EMC1: variants seen among roughly 807,000 people sequenced by gnomAD.
EMC1 encodes the protein KIAA0090.
In EMC1, 103 loss-of-function variants were observed where a neutral mutation model predicts 128.8. The ratio of observed to expected loss-of-function variants is 0.80; its 90% CI spans 0.68 to 0.94. The LOEUF is 0.94. Ranked by LOEUF, EMC1 falls within the 40% of genes least tolerant of loss-of-function variation. The pLI is 0.00. For synonymous variants in EMC1, 442 were observed against 490.4 expected (o/e 0.90, Z 1.30); for missense variants, 1,083 against 1,250.6 (o/e 0.87, Z 2.02).
intron 16 of EMC1, 109 bp from the exon 17 acceptor site, chr1:19,231,072 C>T (rs1307524550): frequency 6.9e-7 from 1 of 1,445,394 alleles, no homozygotes; most frequent in African/African-American, 1.4e-5. Context: ...TTAGGGTTTA[C>T]ATTCAGTTCT....
At chr1:19,239,081 T>C (rs2093587569) in intron 9 of EMC1, 150 bp downstream of exon 9, 1 of 750,204 alleles carries the variant, frequency 1.3e-6, no homozygotes, top group East Asian at 2.5e-5. Context: ...GAAAGCTCTA[T>C]AGTTGAGGCA....
At position 19,222,654 on chromosome 1, in the gene EMC1, C is replaced by T; in HGVS notation, c.2557G>A (p.Glu853Lys). The T allele has an allele frequency of 6.2e-7, 1 of 1,613,992 alleles. No individual in the cohort carries two copies. Among genetic ancestry groups the T allele is most frequent in the Non-Finnish European group, 8.5e-7 (1 of 1,180,004 alleles). Residue 853 changes from glutamate to lysine, a missense_variant, in exon 20 of 23, where the codon GAA becomes AAA. By Grantham distance (56) the Glu-to-Lys change is moderately conservative (BLOSUM62 1). This residue lies in a region of EMC1 where 527 missense variants were observed against 644.1 expected (regional missense o/e 0.82). Transcript: ENST00000477853. ...SISAMEATIT[E>K]RGITSRHLLI... Reference sequence around the variant, plus strand: ...AGGTGTCGGCTGGTGATGCCCCGTTCGGTGATGGTGGCCTCCATGGCACTG... The same window carrying T: ...AGGTGTCGGCTGGTGATGCCCCGTTTGGTGATGGTGGCCTCCATGGCACTG...
intron 5 of EMC1, among the ~76,000 whole-genome samples, 154 bp downstream of exon 5, chr1:19,242,191 C>G (rs950505507): frequency 5.3e-5 from 8 of 152,222 alleles, no homozygotes; most frequent in African/African-American, 1.9e-4. Context: ...CCCATACTCA[C>G]AGCCTTCAAG....
chr1:19,226,981 T>G (rs2093479545), intron 18 of EMC1, among the ~76,000 whole-genome samples: 1 of 151,754 alleles, frequency 6.6e-6, no homozygotes, highest in Non-Finnish European at 1.5e-5. Context: ...GAGCCATGAC[T>G]GCATCACTGC....
chr1:19,245,650 G>T (rs1304396582), intron 1 of EMC1, among the ~76,000 whole-genome samples: 1 of 62,058 alleles, frequency 1.6e-5, no homozygotes, highest in Non-Finnish European at 2.7e-5. Context: ...TTGAGACGAA[G>T]TCTCACTCTT....
At chr1:19,243,250 T>C (rs1035015673) in intron 4 of EMC1, among the ~76,000 whole-genome samples, 5 of 151,998 alleles carry the variant, frequency 3.3e-5, no homozygotes, top group Non-Finnish European at 5.9e-5. Flanking sequence ...ACTCAATAAA[T>C]AAAAATAAAC....
At chr1:19,219,884 CT>C in intron 21 of EMC1, 186 bp from the exon 22 acceptor site, 1 of 570,852 alleles carries the variant, frequency 1.8e-6, no homozygotes, top group Non-Finnish European at 3.1e-6. Flanking sequence ...AGAAAGGAAG[CT>C]CTCTGGAGAG....
chr1:19,220,479 C>T (rs556355397), intron 21 of EMC1: 19 of 243,204 alleles, frequency 7.8e-5, no homozygotes, highest in African/African-American at 2.9e-4. Context: ...ATTACACCCA[C>T]GCACATCCCC....
At chr1:19,238,565 C>T (rs184951401) in intron 10 of EMC1, among the ~76,000 whole-genome samples, 3 of 152,276 alleles carry the variant, frequency 2.0e-5, no homozygotes, top group East Asian at 1.9e-4. Context: ...GAAATGGGGA[C>T]GCTGAGGCCC....
At chr1:19,225,832 AAG>A (rs1328006389) in intron 18 of EMC1, among the ~76,000 whole-genome samples, 1 of 151,936 alleles carries the variant, frequency 6.6e-6, no homozygotes, top group African/African-American at 2.4e-5. Context: ...AAAAAAAAAA[AAG>A]AGTCAATAGC....
intron 1 of EMC1, 64 bp from the exon 2 acceptor site, chr1:19,245,094 G>C: frequency 6.3e-7 from 1 of 1,575,398 alleles, no homozygotes; most frequent in Non-Finnish European, 8.7e-7. Context: ...AAATGCTCCG[G>C]AAAAAAAATC....
intron 2 of EMC1, 50 bp downstream of exon 2, chr1:19,244,852 GGTAA>G (rs1315357134): frequency 3.7e-6 from 6 of 1,603,170 alleles, no homozygotes; most frequent in Non-Finnish European, 4.3e-6. Context: ...AGTTGGCAAT[GGTAA>G]GTCTTTCATC....
At chr1:19,248,023 CA>C (rs200472630) in intron 1 of EMC1, among the ~76,000 whole-genome samples, 46 of 141,120 alleles carry the variant, frequency 3.3e-4, no homozygotes, top group Non-Finnish European at 4.1e-4. Flanking sequence ...GACTCTGTCC[CA>C]AAAAAAAAAA....
chr1:19,221,334 T>C (rs911429227), intron 20 of EMC1: 1 of 152,974 alleles, frequency 6.5e-6, no homozygotes, highest in Non-Finnish European at 1.5e-5. Context: ...GCTGGCTTCT[T>C]CATATTTAAG....
chr1:19,238,199 AGG>A, intron 10 of EMC1, 60 bp from the exon 11 acceptor site: 2 of 1,586,876 alleles, frequency 1.3e-6, no homozygotes, highest in Non-Finnish European at 1.7e-6. Flanking sequence ...AGCCCACCAA[AGG>A]AAGTCCAAGG....
Position 19,239,980 on chromosome 1 carries a change from G to C in EMC1, c.792C>G (p.Leu264=). The C allele has an allele frequency of 1.2e-6, 2 of 1,610,568 alleles. No homozygotes were observed. The highest frequency in any genetic ancestry group is 1.7e-6 in the Non-Finnish European group (2 of 1,177,616). The change falls in exon 8 of 23, where the codon CTC becomes CTG. Residue 264 remains leucine, a synonymous_variant. Transcript: ENST00000477853. ...GGAATCCACTTCCAAATTCTAAGTC[G>C]AGAGACTGGAAGGCAAGAAGGAGGA... The part of the protein sequence containing the change: ...WELRQIPLQS[L]DLEFGSGFQP...
chr1:19,229,606 TTTTA>T (rs1424591599), intron 17 of EMC1, among the ~76,000 whole-genome samples: 11 of 152,212 alleles, frequency 7.2e-5, no homozygotes, highest in Admixed American at 3.3e-4. Flanking sequence ...AGAAGGATGA[TTTTA>T]TTTATTTATG....
At chr1:19,242,703 G>C (rs536734046) in intron 4 of EMC1, among the ~76,000 whole-genome samples, 1 of 152,238 alleles carries the variant, frequency 6.6e-6, no homozygotes, top group South Asian at 2.1e-4. Context: ...TATCTCCTAA[G>C]GGCTGTTCCC....
At position 19,216,624 on chromosome 1, in the gene EMC1, G is replaced by T. The variant is rs1170408699; in HGVS notation, c.*2679C>A. The T allele has an allele frequency of 6.6e-6, 1 of 152,176 alleles. No individual in the cohort carries two copies. The highest frequency in any genetic ancestry group is 2.4e-5 in the African/African-American group (1 of 41,444). The allele number at this position is 152,176 out of a possible 1,614,324, so 9.4% of individuals were successfully genotyped here. A position where few individuals can be genotyped will look rare whatever the true frequency, so the allele number is the denominator to read the frequency against. Reference sequence around the variant, plus strand: ...GCATCATCTCATTTAAGAAAACACTGTATACAAGAACAAACACTAGACTAC... The same window carrying T: ...GCATCATCTCATTTAAGAAAACACTTTATACAAGAACAAACACTAGACTAC... On this transcript the variant is annotated 3_prime_UTR_variant, in exon 23 of 23. Coordinates refer to ENST00000477853, the MANE Select transcript of EMC1 (RefSeq NM_015047.3).
Sources: allele counts gnomAD v4.1 joint callset (sites outside exome capture counted in the v4.1 genomes callset), GRCh38; gene constraint gnomAD v4.1.1; regional missense constraint gnomAD v4.1.1; transcripts MANE v1.5; gene names NCBI Gene and HGNC (gene_info 2026-07-23, HGNC 2026-07-21).